Variants in SHCBP1L observed in about 807,000 individuals in gnomAD.
SHCBP1L encodes SHC binding and spindle associated 1 like.
A neutral mutation model predicts 62.5 loss-of-function variants in SHCBP1L; 67 were observed. The observed-to-expected ratio is 1.07, with a 90% confidence interval of 0.88 to 1.31. SHCBP1L has a LOEUF of 1.31. SHCBP1L is among the 40% of genes most tolerant of loss of function. The pLI is 0.00. For missense variants in SHCBP1L, 823 were observed against 809.8 expected, an observed-to-expected ratio of 1.02 and a Z score of -0.20; for synonymous variants, 284 against 289.4, an observed-to-expected ratio of 0.98 and a Z score of 0.19.
intron 6 of SHCBP1L, among the ~76,000 whole-genome samples, chr1:182,927,156 T>C (rs1015579432): frequency 2.1e-5 from 3 of 143,974 alleles, no homozygotes; most frequent in African/African-American, 7.8e-5. Context: ...AGTAAGGAAA[T>C]TGAGGCTTAG....
chr1:182,949,228 T>C (rs1651668940), intron 2 of SHCBP1L, among the ~76,000 whole-genome samples: 1 of 151,526 alleles, frequency 6.6e-6, no homozygotes, highest in Non-Finnish European at 1.5e-5. Flanking sequence ...TCTGCTTTAA[T>C]GTTAAGCTTC....
chr1:182,927,047 G>T (rs1052771970), intron 6 of SHCBP1L, among the ~76,000 whole-genome samples: 2 of 98,010 alleles, frequency 2.0e-5, no homozygotes, highest in African/African-American at 4.3e-5. Context: ...CTCTTAACTA[G>T]CACTATATAT....
chr1:182,946,582 C>T (rs1238834695), intron 2 of SHCBP1L, among the ~76,000 whole-genome samples: 2 of 152,178 alleles, frequency 1.3e-5, no homozygotes, highest in African/African-American at 4.8e-5. Flanking sequence ...GGAGTACTCC[C>T]ACCCTTAACC....
At chr1:182,947,473 A>G (rs531088387) in intron 2 of SHCBP1L, among the ~76,000 whole-genome samples, 1 of 152,294 alleles carries the variant, frequency 6.6e-6, no homozygotes, top group South Asian at 2.1e-4. Context: ...CCATTTTATA[A>G]CCAAAATTAA....
chr1:182,948,635 T>A (rs535514929), intron 2 of SHCBP1L, among the ~76,000 whole-genome samples: 39 of 152,326 alleles, frequency 2.6e-4, no homozygotes, highest in Non-Finnish European at 5.3e-4. Context: ...ACTTCTGACC[T>A]ACAGAGTTGT....
intron 6 of SHCBP1L, among the ~76,000 whole-genome samples, chr1:182,907,431 CA>C (rs541641519): frequency 0.055 from 5,766 of 104,272 alleles, 350 homozygotes; most frequent in African/African-American, 0.18. Flanking sequence ...GAAACTGTCT[CA>C]AAAAAAAAAA....
At position 182,939,311 on chromosome 1, in the gene SHCBP1L, C is replaced by T. The variant is rs200451412; in HGVS notation, c.941G>A (p.Arg314His). Residue 314 changes from arginine (R) to histidine (H), a missense_variant, in exon 5 of 10, where the codon CGT becomes CAT. Transcript: ENST00000367547. ...GCTCTGATACTCAATGAGCTCGACA[C>T]GTTTGTTTTTATATTTCTCCAAAGT... Reference protein sequence around the residue: ...KKTLEKYKNKRVELIEYQSNI... With the variant: ...KKTLEKYKNKHVELIEYQSNI... The T allele has an allele frequency of 1.4e-5, 22 of 1,613,890 alleles. No homozygotes were observed. Among genetic ancestry groups the T allele is most frequent in the Middle Eastern group, 3.3e-4 (2 of 6,056 alleles).
At position 182,905,561 on chromosome 1, in the gene SHCBP1L, AT is replaced by A; in HGVS notation, c.1270del (p.Ile424Ter). The A allele has an allele frequency of 6.2e-7, 1 of 1,613,824 alleles. No homozygotes were observed. Among genetic ancestry groups the A allele is most frequent in the South Asian group, 1.1e-5 (1 of 91,074 alleles). On this transcript the variant is annotated frameshift_variant, in exon 7 of 10. Coordinates refer to ENST00000367547, the MANE Select transcript of SHCBP1L (RefSeq NM_030933.4). LOFTEE classifies it high-confidence loss of function. Reference protein sequence around the residue: ...LDNCYSGDTVIIFPGEYQAAN... With the variant: ...LDNCYSGDTVXIFPGEYQAAN... Reference sequence around the variant, plus strand: ...AGCTTGATATTCTCCTGGAAAAATTATTACTGTATCTCCACTATAACAATTA... The same window carrying A: ...AGCTTGATATTCTCCTGGAAAAATTATACTGTATCTCCACTATAACAATTA...
chr1:182,951,221 T>C, intron 2 of SHCBP1L, 97 bp downstream of exon 2: 4 of 969,204 alleles, frequency 4.1e-6, no homozygotes, highest in Non-Finnish European at 5.7e-6. Context: ...TAAAAATGTG[T>C]CAACTCTTGT....
chr1:182,910,100 A>G (rs182516770), intron 6 of SHCBP1L, among the ~76,000 whole-genome samples: 1 of 152,336 alleles, frequency 6.6e-6, no homozygotes, highest in African/African-American at 2.4e-5. Flanking sequence ...GGTTAAAGAC[A>G]CAAGGAAGAG....
At chr1:182,941,133 C>A (rs1030232659) in intron 2 of SHCBP1L, among the ~76,000 whole-genome samples, 1 of 142,192 alleles carries the variant, frequency 7.0e-6, no homozygotes, top group East Asian at 2.0e-4. Context: ...AATAAAGTAG[C>A]AAAATAATAA....
intron 9 of SHCBP1L, among the ~76,000 whole-genome samples, chr1:182,902,227 A>C (rs1649868174): frequency 6.6e-6 from 1 of 151,094 alleles, no homozygotes; most frequent in Non-Finnish European, 1.5e-5. Context: ...TTTTTTTTGT[A>C]TTTTTAGTAG....
At chr1:182,924,619 G>A (rs997065091) in intron 6 of SHCBP1L, among the ~76,000 whole-genome samples, 1 of 149,766 alleles carries the variant, frequency 6.7e-6, no homozygotes, top group South Asian at 2.1e-4. Context: ...TTGTTAAAAT[G>A]ACCATGCTGA....
chr1:182,904,319 C>T lies in SHCBP1L; in HGVS notation c.1448G>A (p.Gly483Glu), dbSNP rs570850236. The change falls in exon 8 of 10, where the codon GGG becomes GAG. Residue 483 changes from glycine to glutamate, a missense_variant. Gly to Glu is a moderately conservative substitution (Grantham distance 98). Coordinates refer to ENST00000367547, the MANE Select transcript of SHCBP1L (RefSeq NM_030933.4). ...KLMHLSLIQQ[G>E]TVDGIVVVES... ...CACCACCACGATACCATCAACCGTC[C>T]CTTGTTGTATCAAAGATAGATGCAT... The T allele has an allele frequency of 1.3e-5, 21 of 1,614,130 alleles. No individual in the cohort carries two copies. The highest frequency in any genetic ancestry group is 3.3e-4 in the Middle Eastern group (2 of 6,062).
At chr1:182,932,840 G>A (rs1651052639) in intron 5 of SHCBP1L, among the ~76,000 whole-genome samples, 1 of 151,892 alleles carries the variant, frequency 6.6e-6, no homozygotes, top group Non-Finnish European at 1.5e-5. Context: ...GCATTCTTTT[G>A]TGTCTGCTTT....
chr1:182,930,699 G>GTA (rs1484826938), intron 5 of SHCBP1L, among the ~76,000 whole-genome samples: 18 of 58,808 alleles, frequency 3.1e-4, no homozygotes, highest in African/African-American at 1.3e-3. Context: ...GTGTGTGTGT[G>GTA]TGTGTATATA....
chr1:182,901,151 T>C (rs1649820661), intron 9 of SHCBP1L, among the ~76,000 whole-genome samples: 2 of 152,030 alleles, frequency 1.3e-5, no homozygotes, highest in African/African-American at 4.8e-5. Flanking sequence ...CAGATAGTAA[T>C]AAGATCTATA....
chr1:182,906,062 G>C (rs1476541176), intron 6 of SHCBP1L, among the ~76,000 whole-genome samples: 1 of 152,096 alleles, frequency 6.6e-6, no homozygotes, highest in Non-Finnish European at 1.5e-5. Context: ...AGCCTCCTGA[G>C]TAGCTGGGAT....
rs12138972 is a variant in SHCBP1L, at chr1:182,904,296, C to T, written c.1471G>A (p.Val491Met). ...TCTAGAGTCATGTGACCAGACTCCA[C>T]CACCACGATACCATCAACCGTCCCT... ...QQGTVDGIVV[V>M]ESGHMTLENC... The change falls in exon 8 of 10, where the codon GTG (valine) becomes ATG (methionine). Residue 491 changes from valine to methionine, a missense_variant. Transcript: ENST00000367547. The T allele has an allele frequency of 0.026, 41,503 of 1,614,078 alleles. 660 individuals are homozygous for T. The highest frequency in any genetic ancestry group is 0.031 in the Non-Finnish European group (36,349 of 1,180,000).
Sources: allele counts gnomAD v4.1 joint callset (sites outside exome capture counted in the v4.1 genomes callset), GRCh38; gene constraint gnomAD v4.1.1; transcripts MANE v1.5; gene names NCBI Gene and HGNC (gene_info 2026-07-23, HGNC 2026-07-21).